Variants in ANK3 observed in about 807,000 individuals in gnomAD.
ANK3 encodes ankyrin 3, also known as ankyrin-3.
Under a neutral mutation model 370.9 loss-of-function variants are expected in ANK3, and 57 were observed. The observed-to-expected ratio is 0.15, with a 90% CI of 0.12 to 0.19. ANK3 has a LOEUF of 0.19. Ranked by LOEUF, ANK3 falls within the 10% of genes least tolerant of loss-of-function variation. The pLI is 1.00. For synonymous variants in ANK3, 1,929 were observed against 1,946.3 expected (o/e 0.99, Z 0.23); for missense variants, 4,439 against 5,302.1 (o/e 0.84, Z 5.06).
In ANK3 at chr10:60,554,218, T is replaced by C. The variant is rs1428972050; in HGVS notation, c.96+60968A>G. Among the ~76,000 whole-genome samples the C allele has an allele frequency of 5.3e-5, 8 of 152,178 alleles. No homozygotes were observed. In the East Asian group the frequency reaches 1.5e-3, roughly 29 times the overall value. On this transcript the variant is annotated intron_variant, in intron 2 of 43. Transcript: ENST00000373827. ...TAAGCTATGCTTTTTATTTTTTTCATGTATTACCCTTTTCAAACCATATCT... is the reference window on the plus strand; with the variant it reads ...TAAGCTATGCTTTTTATTTTTTTCACGTATTACCCTTTTCAAACCATATCT...
At chr10:60,623,343 T>G (rs550410683) in intron 1 of ANK3, among the ~76,000 whole-genome samples, 92 of 152,270 alleles carry the variant, frequency 6.0e-4, no homozygotes, top group Non-Finnish European at 1.0e-3. Flanking sequence ...AATAAATCTA[T>G]TTTAAGCAAT....
intron 1 of ANK3, among the ~76,000 whole-genome samples, chr10:60,723,644 A>G (rs1264395155): frequency 1.3e-5 from 2 of 152,214 alleles, no homozygotes; most frequent in South Asian, 2.1e-4. Context: ...CAATGGGTAG[A>G]CACTCAAAGG....
chr10:60,339,170 G>A (rs2053700032), intron 1 of ANK3, among the ~76,000 whole-genome samples: 3 of 151,850 alleles, frequency 2.0e-5, no homozygotes, highest in Admixed American at 2.0e-4. Context: ...TTGCTGCATA[G>A]CTATATGGTT....
intron 2 of ANK3, chr10:60,508,748 A>G (rs190647100): frequency 1.4e-4 from 21 of 152,292 alleles, no homozygotes; most frequent in Admixed American, 7.2e-4. Flanking sequence ...GACAAATATA[A>G]CTGTGTGGCC....
intron 12 of ANK3, 88 bp from the exon 13 acceptor site, chr10:60,200,315 T>C: frequency 9.7e-7 from 1 of 1,032,734 alleles, no homozygotes; most frequent in Non-Finnish European, 1.5e-6. Flanking sequence ...ATGGACTTTT[T>C]TCAAAAATAA....
At chr10:60,526,814 C>T (rs1439764416) in intron 2 of ANK3, among the ~76,000 whole-genome samples, 1 of 151,962 alleles carries the variant, frequency 6.6e-6, no homozygotes, top group African/African-American at 2.4e-5. Context: ...TTGTTTTTGC[C>T]CCTTTTTAAT....
At chr10:60,190,349 T>C (rs2096453859) in intron 16 of ANK3, among the ~76,000 whole-genome samples, 1 of 152,220 alleles carries the variant, frequency 6.6e-6, no homozygotes, top group Non-Finnish European at 1.5e-5. Flanking sequence ...AATTCAGGAA[T>C]GCCTGAGCTT....
At chr10:60,577,220 T>C (rs2077694378) in intron 2 of ANK3, among the ~76,000 whole-genome samples, 1 of 152,274 alleles carries the variant, frequency 6.6e-6, no homozygotes, top group South Asian at 2.1e-4. Context: ...GATGGTCTTG[T>C]AGTTAGTTCC....
chr10:60,687,324 C>G (rs1299364655), intron 1 of ANK3, among the ~76,000 whole-genome samples: 1 of 152,116 alleles, frequency 6.6e-6, no homozygotes, highest in African/African-American at 2.4e-5. Context: ...ATATAAGAAG[C>G]TCTTGCAACT....
intron 42 of ANK3, among the ~76,000 whole-genome samples, chr10:60,048,670 T>C (rs1357008253): frequency 6.6e-6 from 1 of 152,236 alleles, no homozygotes; most frequent in Non-Finnish European, 1.5e-5. Context: ...GCTTCTTACT[T>C]CTACTGTTTA....
intron 2 of ANK3, among the ~76,000 whole-genome samples, chr10:60,571,591 C>T (rs1390379488): frequency 2.6e-5 from 4 of 152,136 alleles, no homozygotes; most frequent in African/African-American, 7.2e-5. Flanking sequence ...ACACATTCTC[C>T]TTAAATATCT....
chr10:60,576,507 G>C (rs2077684837), intron 2 of ANK3, among the ~76,000 whole-genome samples: 1 of 152,186 alleles, frequency 6.6e-6, no homozygotes, highest in East Asian at 1.9e-4. Context: ...TGACTGACAT[G>C]AAGGTATATC....
intron 20 of ANK3, 37 bp downstream of exon 20, chr10:60,172,863 T>C: frequency 2.1e-6 from 3 of 1,405,086 alleles, no homozygotes; most frequent in Non-Finnish European, 3.0e-6. Flanking sequence ...CCCATCTATC[T>C]CCTCCCTCTT....
chr10:60,431,876 C>T (rs1006532957), intron 2 of ANK3, among the ~76,000 whole-genome samples: 3 of 152,288 alleles, frequency 2.0e-5, no homozygotes, highest in Admixed American at 6.5e-5. Context: ...AACAATTCTT[C>T]GTGGTGTCTT....
intron 23 of ANK3, among the ~76,000 whole-genome samples, chr10:60,150,754 T>A (rs555935328): frequency 1.3e-5 from 2 of 152,204 alleles, no homozygotes; most frequent in South Asian, 4.2e-4. Flanking sequence ...CCTTCTGCCA[T>A]GAATAGAAGC....
Position 60,173,013 on chromosome 10 carries a change from T to C in ANK3, c.2284-15A>G, listed in dbSNP as rs1434987882. The C allele has an allele frequency of 1.2e-6, 2 of 1,608,784 alleles. No homozygotes were observed. Among genetic ancestry groups the C allele is most frequent in the South Asian group, 2.2e-5 (2 of 90,962 alleles). On this transcript the variant is annotated splice_polypyrimidine_tract_variant and intron_variant, in intron 19 of 43. Coordinates refer to ENST00000280772, the MANE Select transcript of ANK3 (RefSeq NM_020987.5). ...GTATACCCATTCTGTAGAAGGAAGA[T>C]GGAAGAGATGATTCTTAATTCCTTT...
chr10:60,407,399 T>C (rs924524750), intron 2 of ANK3, among the ~76,000 whole-genome samples: 2 of 152,234 alleles, frequency 1.3e-5, no homozygotes, highest in Non-Finnish European at 2.9e-5. Flanking sequence ...ATGCAAATTA[T>C]CCAACCATTT....
intron 7 of ANK3, among the ~76,000 whole-genome samples, chr10:60,243,581 C>A (rs563165044): frequency 7.2e-5 from 11 of 151,892 alleles, no homozygotes; most frequent in Non-Finnish European, 1.6e-4. Context: ...TCTGTTATAG[C>A]AACAAAAAAT....
At chr10:60,086,472 C>T (rs1251009945) in intron 30 of ANK3, 3 of 471,948 alleles carry the variant, frequency 6.4e-6, no homozygotes, top group African/African-American at 6.0e-5. Flanking sequence ...AGTCATGAGA[C>T]CAGGATCTTG....
Sources: allele counts gnomAD v4.1 joint callset (sites outside exome capture counted in the v4.1 genomes callset), GRCh38; gene constraint gnomAD v4.1.1; transcripts MANE v1.5; gene names NCBI Gene and HGNC (gene_info 2026-07-23, HGNC 2026-07-21).